The following EPM2A variants were observed in gnomAD, a reference collection of about 807,000 sequenced individuals.
The protein encoded by EPM2A is EPM2A glucan phosphatase, laforin.
A neutral mutation model predicts 26.5 loss-of-function variants in EPM2A; 21 were observed. That is an observed-to-expected ratio of 0.79 (90% CI 0.56 to 1.14). The LOEUF (loss-of-function observed/expected upper bound fraction) is 1.14. EPM2A is among the 50% of genes most tolerant of loss of function. EPM2A has a pLI of 0.00. For missense variants in EPM2A, 458 were observed against 440.8 expected (o/e 1.04, Z -0.35); for synonymous variants, 217 against 177.6 (o/e 1.22, Z -1.76).
Position 145,476,067 on chromosome 6 carries a change from G to T in EPM2A, c.555+26455C>A, listed in dbSNP as rs1779539321. ...AGACACACATAGACTGAAAATAAAG[G>T]GATGGAAAAACATATCCCATGCCAA... is the stretch of plus-strand genomic sequence containing the variant. On this transcript the variant is annotated intron_variant, in intron 4 of 4. Coordinates refer to the EPM2A transcript ENST00000638717. 2.6e-5 allele frequency among the ~76,000 whole-genome samples: 4 copies of T among 151,944 alleles called. No homozygotes were observed. In the South Asian group the frequency reaches 8.3e-4, roughly 32 times the overall value.
chr6:145,654,577 C>T (rs1409882841), intron 2 of EPM2A, among the ~76,000 whole-genome samples: 2 of 152,196 alleles, frequency 1.3e-5, no homozygotes, highest in Non-Finnish European at 2.9e-5. Context: ...CAGTTGCCTA[C>T]AGAACTTTAC....
chr6:145,445,623 G>A (rs1236505056), intron 4 of EPM2A, among the ~76,000 whole-genome samples: 8 of 152,102 alleles, frequency 5.3e-5, no homozygotes, highest in Non-Finnish European at 8.8e-5. Flanking sequence ...CTAGCCTTTG[G>A]TTAATTTACA....
chr6:145,590,209 G>A lies in EPM2A; in HGVS notation c.340+45036C>T, dbSNP rs150192824. Reference sequence around the variant, plus strand: ...TTGGGAAAATCTTCACACTTTTGTGGGTTTTACCTCTAGGAATCTCAACAG... The same window carrying A: ...TTGGGAAAATCTTCACACTTTTGTGAGTTTTACCTCTAGGAATCTCAACAG... On this transcript the variant is annotated intron_variant, in intron 2 of 3. Coordinates refer to the EPM2A transcript ENST00000450221. Among the ~76,000 whole-genome samples the A allele has an allele frequency of 2.3e-3, 348 of 152,130 alleles. 2 individuals carry two copies. The highest frequency in any genetic ancestry group is 8.2e-3 in the African/African-American group (339 of 41,496).
At chr6:145,431,623 G>C (rs1173716979) in intron 4 of EPM2A, among the ~76,000 whole-genome samples, 1 of 152,120 alleles carries the variant, frequency 6.6e-6, no homozygotes, top group Non-Finnish European at 1.5e-5. Flanking sequence ...GATCATCTCA[G>C]GCTTCAGCGA....
intron 1 of EPM2A, among the ~76,000 whole-genome samples, chr6:145,730,024 TTCTC>T (rs1327998602): frequency 6.6e-6 from 1 of 152,150 alleles, no homozygotes; most frequent in Non-Finnish European, 1.5e-5. Flanking sequence ...TTCCCCATCT[TTCTC>T]TCTTCCTCCT....
intron 2 of EPM2A, among the ~76,000 whole-genome samples, chr6:145,615,363 G>A (rs1775483310): frequency 6.6e-6 from 1 of 152,146 alleles, no homozygotes; most frequent in South Asian, 2.1e-4. Flanking sequence ...CCATGATTGT[G>A]AGGCCCTCCC....
At chr6:145,677,827 C>T (rs1780181425) in intron 2 of EPM2A, among the ~76,000 whole-genome samples, 1 of 152,142 alleles carries the variant, frequency 6.6e-6, no homozygotes, top group Non-Finnish European at 1.5e-5. Context: ...TAGGAAGAAT[C>T]AATATCGTGA....
At position 145,536,549 on chromosome 6, in the gene EPM2A, G is replaced by A. The variant is rs1010162211; in HGVS notation, c.341-33974C>T. Among the ~76,000 whole-genome samples, 7 of 151,304 alleles carry A rather than the reference G, an allele frequency of 4.6e-5. No individual in the cohort carries two copies. In the South Asian group the frequency reaches 6.3e-4, roughly 14 times the overall value. ...TGACCTCAAGTGATCCACCCGCCTC[G>A]GCCTCCAAAAGTGCTGGGATTACAG... On this transcript the variant is annotated intron_variant, in intron 2 of 3. Transcript: ENST00000450221.
At chr6:145,478,800 CTTAATT>C (rs1202328720) in intron 4 of EPM2A, among the ~76,000 whole-genome samples, 1 of 151,428 alleles carries the variant, frequency 6.6e-6, no homozygotes, top group African/African-American at 2.4e-5. Flanking sequence ...TGTATGTTTT[CTTAATT>C]TTATTTTTTA....
chr6:145,465,048 T>C (rs1289318745), intron 4 of EPM2A, among the ~76,000 whole-genome samples: 1 of 150,778 alleles, frequency 6.6e-6, no homozygotes, highest in Non-Finnish European at 1.5e-5. Flanking sequence ...GAATTTCTCC[T>C]GGATAATATC....
chr6:145,653,772 G>A (rs564757208), intron 2 of EPM2A, among the ~76,000 whole-genome samples: 1 of 152,116 alleles, frequency 6.6e-6, no homozygotes, highest in Non-Finnish European at 1.5e-5. Flanking sequence ...AACTTCAACC[G>A]ATTGAGTGAA....
chr6:145,509,325 T>C (rs1021290244), intron 2 of EPM2A, among the ~76,000 whole-genome samples: 1 of 151,970 alleles, frequency 6.6e-6, no homozygotes, highest in Non-Finnish European at 1.5e-5. Context: ...AAGAAAATCT[T>C]AAAGACAGAT....
At chr6:145,518,197 A>G (rs1210804065) in intron 2 of EPM2A, among the ~76,000 whole-genome samples, 1 of 152,168 alleles carries the variant, frequency 6.6e-6, no homozygotes, top group Non-Finnish European at 1.5e-5. Context: ...CATTTTCTCA[A>G]TACCCCAGTT....
chr6:145,499,876 C>A (rs117653130), downstream of EPM2A, among the ~76,000 whole-genome samples: 1,849 of 152,234 alleles, frequency 0.012, 17 homozygotes, highest in Middle Eastern at 0.027. Context: ...ATTAGGGATG[C>A]CTGTAGTGTG....
At chr6:145,590,883 C>A (rs1419407530) in intron 2 of EPM2A, among the ~76,000 whole-genome samples, 1 of 151,994 alleles carries the variant, frequency 6.6e-6, no homozygotes, top group Non-Finnish European at 1.5e-5. Flanking sequence ...AAAAGTTTAA[C>A]CTAGCATCGA....
intron 2 of EPM2A, among the ~76,000 whole-genome samples, chr6:145,650,200 T>C (rs1777780940): frequency 6.6e-6 from 1 of 152,170 alleles, no homozygotes; most frequent in South Asian, 2.1e-4. Context: ...GATGCTTTTG[T>C]ATGATGAGCA....
intron 2 of EPM2A, chr6:145,670,873 T>C: frequency 1.0e-6 from 1 of 983,388 alleles, no homozygotes; most frequent in Non-Finnish European, 1.2e-6. Context: ...TAGAGAACTC[T>C]CACACGCCCA....
Position 145,693,152 on chromosome 6 carries a change from G to A in EPM2A, c.302-6856C>T, listed in dbSNP as rs184471896. 4.0e-3 allele frequency among the ~76,000 whole-genome samples: 601 copies of A among 151,892 alleles called. 6 individuals carry two copies. The highest frequency in any genetic ancestry group is 0.014 in the African/African-American group (581 of 41,440). On this transcript the variant is annotated intron_variant, in intron 1 of 3. Transcript: ENST00000367519. ...ATGTCTCTGGTTAGCTGTATTCCTA[G>A]GTATTTTATTCTATTTGTGGCTATT...
chr6:145,563,205 G>GTA (rs1432861190), intron 2 of EPM2A, among the ~76,000 whole-genome samples: 2 of 151,710 alleles, frequency 1.3e-5, no homozygotes, highest in African/African-American at 4.8e-5. Context: ...CCTGTGTGGA[G>GTA]TGAATGTGCC....
Sources: allele counts gnomAD v4.1 joint callset (sites outside exome capture counted in the v4.1 genomes callset), GRCh38; gene constraint gnomAD v4.1.1; transcripts MANE v1.5; gene names NCBI Gene and HGNC (gene_info 2026-07-23, HGNC 2026-07-21).